Variants in MLIP observed in about 807,000 individuals in gnomAD.
MLIP encodes the protein muscular LMNA-interacting protein.
MLIP carries 79 observed loss-of-function variants against 84.8 expected under a neutral mutation model. The ratio of observed to expected loss-of-function variants is 0.93; its 90% CI spans 0.78 to 1.12. The LOEUF (loss-of-function observed/expected upper bound fraction) is 1.12, where lower values mean the gene tolerates loss of function less well. Ranked by LOEUF, MLIP falls within the 50% of genes most tolerant of loss-of-function variation. MLIP has a pLI of 0.00. For synonymous variants in MLIP, 504 were observed against 463.0 expected (o/e 1.09, Z -1.14); for missense variants, 1,257 against 1,160.6 (o/e 1.08, Z -1.21).
In MLIP at chr6:54,219,980, C is replaced by T. The variant is rs375204791; in HGVS notation, c.2719-10734C>T. Among the ~76,000 whole-genome samples, 19 of 152,130 alleles carry T rather than the reference C, an allele frequency of 1.2e-4. No homozygotes were observed. The South Asian group carries it at 1.9e-3, about 15-fold the overall frequency. ...AAATGACTTTATTAAAAAAAACCTT[C>T]GGCAAAATAATCTAGATTGACTATA... On this transcript the variant is annotated intron_variant, in intron 11 of 13. Transcript: ENST00000502396.
chr6:54,037,535 C>T (rs1193941206), intron 1 of MLIP, among the ~76,000 whole-genome samples: 1 of 151,820 alleles, frequency 6.6e-6, no homozygotes, highest in Non-Finnish European at 1.5e-5. Context: ...ATAGATGTCT[C>T]CAAACAGTAA....
intron 2 of MLIP, among the ~76,000 whole-genome samples, chr6:54,122,994 C>A (rs1027268246): frequency 6.6e-6 from 1 of 151,456 alleles, no homozygotes; most frequent in Non-Finnish European, 1.5e-5. Context: ...TGCAGTGGCG[C>A]GATCTCGGCT....
At chr6:54,152,598 G>A (rs952986942) in intron 5 of MLIP, among the ~76,000 whole-genome samples, 4 of 152,038 alleles carry the variant, frequency 2.6e-5, no homozygotes, top group African/African-American at 7.2e-5. Context: ...CCTCCCTCTG[G>A]GTCCCTCCCA....
chr6:54,180,857 T>C (rs187053068), intron 9 of MLIP, among the ~76,000 whole-genome samples: 298 of 152,290 alleles, frequency 2.0e-3, no homozygotes, highest in Admixed American at 9.6e-3. Context: ...TTATTTAGTT[T>C]GTTTTATGCG....
chr6:54,241,394 G>T lies in MLIP; in HGVS notation c.2922+10477G>T, dbSNP rs928338557. On this transcript the variant is annotated intron_variant, in intron 12 of 13. Transcript: ENST00000502396. Reference sequence around the variant, plus strand: ...TTATTAGAATAAGTTATGAAATATTGGGTTTAGCTGTTAATCAAAATTGTC... The same window carrying T: ...TTATTAGAATAAGTTATGAAATATTTGGTTTAGCTGTTAATCAAAATTGTC... Among the ~76,000 whole-genome samples the T allele has an allele frequency of 3.3e-5, 5 of 151,614 alleles. No homozygotes were observed. In the East Asian group the frequency reaches 9.7e-4, roughly 29 times the overall value.
intron 11 of MLIP, among the ~76,000 whole-genome samples, chr6:54,225,627 C>T (rs1049946261): frequency 6.6e-6 from 1 of 152,140 alleles, no homozygotes; most frequent in Non-Finnish European, 1.5e-5. Flanking sequence ...AATATCAATG[C>T]AGATATCTCA....
chr6:54,141,358 G>A (rs899100130), intron 4 of MLIP, among the ~76,000 whole-genome samples: 1 of 139,478 alleles, frequency 7.2e-6, no homozygotes, highest in Non-Finnish European at 1.5e-5. Context: ...CCAGGCTGCA[G>A]TGTAGTGGTG....
At chr6:54,163,681 A>G (rs1243670016) in intron 8 of MLIP, among the ~76,000 whole-genome samples, 1 of 151,994 alleles carries the variant, frequency 6.6e-6, no homozygotes, top group Non-Finnish European at 1.5e-5. Context: ...ACAAGCACAT[A>G]CATATACAAT....
At chr6:54,083,924 A>C (rs1767323610) in intron 1 of MLIP, among the ~76,000 whole-genome samples, 2 of 152,212 alleles carry the variant, frequency 1.3e-5, no homozygotes, top group Admixed American at 6.5e-5. Context: ...ATTGCTTTGC[A>C]TTTAAGCTGC....
At chr6:54,206,791 CAT>C (rs749669110) in intron 11 of MLIP, among the ~76,000 whole-genome samples, 2 of 152,160 alleles carry the variant, frequency 1.3e-5, no homozygotes, top group African/African-American at 4.8e-5. Flanking sequence ...ATGTCACCCA[CAT>C]GTTAATATTA....
intron 11 of MLIP, chr6:54,217,906 T>C: frequency 4.1e-6 from 4 of 985,382 alleles, no homozygotes; most frequent in Non-Finnish European, 4.8e-6. Context: ...TAGTGATCTC[T>C]AAAGTATTAG....
At chr6:54,141,710 G>A (rs960945907) in intron 4 of MLIP, among the ~76,000 whole-genome samples, 5 of 152,066 alleles carry the variant, frequency 3.3e-5, no homozygotes, top group Admixed American at 1.3e-4. Flanking sequence ...TCCCCAATCT[G>A]TTCTGCCTTC....
At chr6:54,196,358 G>C (rs1049090735) in intron 10 of MLIP, among the ~76,000 whole-genome samples, 1 of 151,918 alleles carries the variant, frequency 6.6e-6, no homozygotes, top group Non-Finnish European at 1.5e-5. Context: ...CCCACAACAG[G>C]CCTCTGTGTG....
intron 12 of MLIP, among the ~76,000 whole-genome samples, chr6:54,236,185 G>A (rs1781348698): frequency 6.6e-6 from 1 of 152,176 alleles, no homozygotes; most frequent in Non-Finnish European, 1.5e-5. Flanking sequence ...CACTCATTGT[G>A]TTTGCTCTTC....
chr6:54,189,774 A>G (rs1777735092), intron 9 of MLIP, 96 bp from the exon 10 acceptor site: 2 of 872,676 alleles, frequency 2.3e-6, no homozygotes, highest in African/African-American at 1.7e-5. Flanking sequence ...CCTATCATGG[A>G]CATATAATAA....
chr6:54,224,468 T>C (rs1452631685), intron 11 of MLIP, among the ~76,000 whole-genome samples: 2 of 151,814 alleles, frequency 1.3e-5, no homozygotes, highest in African/African-American at 4.8e-5. Flanking sequence ...AAGTCACAAA[T>C]AGATTCCCAG....
intron 10 of MLIP, among the ~76,000 whole-genome samples, chr6:54,191,877 T>C (rs1337032856): frequency 1.3e-5 from 2 of 151,958 alleles, no homozygotes; most frequent in African/African-American, 2.4e-5. Context: ...GTATAGTATA[T>C]AAAATATAGA....
chr6:54,136,650 A>G lies in MLIP; in HGVS notation c.646-65A>G, dbSNP rs1771821246. The G allele has an allele frequency of 5.9e-6, 8 of 1,347,342 alleles. 1 individual carries two copies. In the South Asian group the frequency reaches 1.1e-4, roughly 19 times the overall value. 83.5% of individuals were successfully genotyped at this position (1,347,342 alleles called of 1,614,324 possible). On this transcript the variant is annotated intron_variant, in intron 3 of 13. Coordinates refer to ENST00000502396, the MANE Select transcript of MLIP (RefSeq NM_001281747.2). ...TTGTTTGTATAATCGCACAAGTGACAAGAATATTTTGATCGTTTCACAAAT... is the reference window on the plus strand; with the variant it reads ...TTGTTTGTATAATCGCACAAGTGACGAGAATATTTTGATCGTTTCACAAAT...
At chr6:54,222,821 A>G (rs1283376071) in intron 11 of MLIP, among the ~76,000 whole-genome samples, 3 of 152,004 alleles carry the variant, frequency 2.0e-5, no homozygotes, top group Non-Finnish European at 4.4e-5. Context: ...TGACTTACCA[A>G]TTAACATTCC....
Sources: allele counts gnomAD v4.1 joint callset (sites outside exome capture counted in the v4.1 genomes callset), GRCh38; gene constraint gnomAD v4.1.1; transcripts MANE v1.5; gene names NCBI Gene and HGNC (gene_info 2026-07-23, HGNC 2026-07-21).